FBXL2: variants seen among roughly 807,000 people sequenced by gnomAD.
FBXL2 encodes F-box and leucine rich repeat protein 2.
In FBXL2, 38 loss-of-function variants were observed where a neutral mutation model predicts 69.2. The observed-to-expected ratio is 0.55, with a 90% CI of 0.42 to 0.72. The LOEUF (loss-of-function observed/expected upper bound fraction) is 0.72, where lower values mean the gene tolerates loss of function less well. Ranked by LOEUF, FBXL2 falls within the 30% of genes least tolerant of loss-of-function variation. The probability of loss-of-function intolerance (pLI) is 0.00; values close to 1 mark genes in which losing one functional copy is unlikely to be tolerated. For missense variants in FBXL2, 354 were observed against 520.3 expected (o/e 0.68, Z 3.11); for synonymous variants, 192 against 201.3 (o/e 0.95, Z 0.39).
At chr3:33,287,448 A>G (rs545090352) in intron 1 of FBXL2, among the ~76,000 whole-genome samples, 157 of 152,250 alleles carry the variant, frequency 1.0e-3, no homozygotes, top group African/African-American at 3.6e-3. Flanking sequence ...AATGTCCCTA[A>G]GAAATTGGCA....
At chr3:33,404,485 T>TAA (rs147464429), downstream of FBXL2, among the ~76,000 whole-genome samples, 2,035 of 144,410 alleles carry the variant, frequency 0.014, 18 homozygotes, top group South Asian at 0.027. Flanking sequence ...ATAATAGGAT[T>TAA]AAAAAAAAAA....
intron 1 of FBXL2, among the ~76,000 whole-genome samples, chr3:33,285,881 G>C (rs1324708167): frequency 6.6e-6 from 1 of 152,098 alleles, no homozygotes; most frequent in African/African-American, 2.4e-5. Flanking sequence ...ATGGTTTTCA[G>C]CTCCATCAGG....
chr3:33,390,325 A>G, downstream of FBXL2: 3 of 1,613,840 alleles, frequency 1.9e-6, no homozygotes, highest in Non-Finnish European at 2.5e-6. Context: ...CAGTCTATAT[A>G]AGACATCACT....
chr3:33,374,888 C>T (rs1180476979), intron 9 of FBXL2, among the ~76,000 whole-genome samples: 1 of 151,920 alleles, frequency 6.6e-6, no homozygotes. Flanking sequence ...CTGCAGAAAT[C>T]CAATCAAATA....
chr3:33,348,252 T>G (rs2040588792), intron 2 of FBXL2, among the ~76,000 whole-genome samples: 1 of 152,186 alleles, frequency 6.6e-6, no homozygotes. Context: ...GGATATCCAG[T>G]TTTCCCAACA....
At chr3:33,312,175 G>C (rs1158942095) in intron 2 of FBXL2, among the ~76,000 whole-genome samples, 3 of 151,950 alleles carry the variant, frequency 2.0e-5, no homozygotes, top group African/African-American at 7.3e-5. Flanking sequence ...ACCTGCCCCA[G>C]CCTCCTAAGT....
chr3:33,332,469 A>T (rs2039241708), intron 2 of FBXL2, among the ~76,000 whole-genome samples: 1 of 152,246 alleles, frequency 6.6e-6, no homozygotes, highest in South Asian at 2.1e-4. Flanking sequence ...CAGTACTTGT[A>T]CACAAATATG....
At chr3:33,345,888 G>A (rs781238491) in intron 2 of FBXL2, among the ~76,000 whole-genome samples, 2 of 152,176 alleles carry the variant, frequency 1.3e-5, no homozygotes, top group African/African-American at 4.8e-5. Flanking sequence ...CTTAGAGGGA[G>A]ATTTACTGCA....
At chr3:33,277,177 GT>G (rs780593890), upstream of FBXL2, 140 of 283,816 alleles carry the variant, frequency 4.9e-4, no homozygotes, top group East Asian at 1.4e-3. Flanking sequence ...CCTGTATAAC[GT>G]TTTTTTTAAA....
At chr3:33,297,337 A>G (rs993666334) in intron 1 of FBXL2, among the ~76,000 whole-genome samples, 2 of 152,154 alleles carry the variant, frequency 1.3e-5, no homozygotes, top group Admixed American at 6.6e-5. Context: ...TATATGCAAG[A>G]TCATGTCATC....
chr3:33,411,805 A>G, the FBXL2 span: 202 of 755,674 alleles, frequency 2.7e-4, 1 homozygote, highest in South Asian at 2.7e-3. Context: ...CTGTCTTTCA[A>G]TGGTCTCCAT....
rs765444992 is a variant in FBXL2 at position 33,373,936 on chromosome 3, T to G, written c.657+15T>G. 6.2e-7 allele frequency: 1 copy of G among 1,613,094 alleles called. No homozygotes were observed. The highest frequency in any genetic ancestry group is 8.5e-7 in the Non-Finnish European group (1 of 1,179,036). On this transcript the variant is annotated intron_variant, in intron 9 of 14. Transcript: ENST00000484457. ...AGTCCTGCTCAGTAAGTAGCGTGCC[T>G]TTCCTGAACACTGTTTGCTCTATCT...
chr3:33,377,263 T>G lies in FBXL2; in HGVS notation c.789-10T>G, dbSNP rs2042701486. On this transcript the variant is annotated splice_polypyrimidine_tract_variant and intron_variant, in intron 10 of 14. Coordinates refer to ENST00000484457, the MANE Select transcript of FBXL2 (RefSeq NM_012157.5). ...TACCGTTTTCTCCCCTGTACCCACT[T>G]TCTCCTCAGAATTTTGGAGGCTGCC... is the stretch of plus-strand genomic sequence containing the variant. 1 of 1,613,632 alleles carries G rather than the reference T, an allele frequency of 6.2e-7. No individual in the cohort carries two copies. Among genetic ancestry groups the G allele is most frequent in the Non-Finnish European group, 8.5e-7 (1 of 1,179,712 alleles).
At chr3:33,297,912 G>A (rs2035887226) in intron 2 of FBXL2, 187 bp downstream of exon 2, 1 of 640,886 alleles carries the variant, frequency 1.6e-6, no homozygotes, top group South Asian at 1.6e-5. Context: ...GTCTAATCCA[G>A]AATGTACTAA....
intron 2 of FBXL2, among the ~76,000 whole-genome samples, chr3:33,340,069 T>A (rs138356653): frequency 6.6e-6 from 1 of 152,340 alleles, no homozygotes; most frequent in African/African-American, 2.4e-5. Flanking sequence ...CAATATCAGT[T>A]GAAATTAATC....
Position 33,359,025 on chromosome 3 carries a change from GA to G in FBXL2, c.120+5del. 1 of 1,531,020 alleles carries G rather than the reference GA, an allele frequency of 6.5e-7. No homozygotes were observed. 94.8% of individuals were successfully genotyped at this position (1,531,020 alleles called of 1,614,324 possible). ...CCGATGTGCACAGATTTCCAAGGTA[GA>G]GTATTCACCAGATTTTTTAATCAAT... is the stretch of plus-strand genomic sequence containing the variant. On this transcript the variant is annotated splice_donor_5th_base_variant and intron_variant, in intron 3 of 14. Coordinates refer to ENST00000484457, the MANE Select transcript of FBXL2 (RefSeq NM_012157.5).
At chr3:33,368,710 C>T (rs529676157) in intron 5 of FBXL2, among the ~76,000 whole-genome samples, 2 of 151,870 alleles carry the variant, frequency 1.3e-5, no homozygotes, top group African/African-American at 2.4e-5. Flanking sequence ...CCTCAGCCTT[C>T]CGAGTAGCTG....
the FBXL2 span, chr3:33,412,631 A>G: frequency 2.3e-6 from 2 of 859,588 alleles, no homozygotes; most frequent in Admixed American, 2.2e-5. Context: ...AACTTTCCCC[A>G]CACAAGTAAT....
chr3:33,365,027 A>G (rs1268991736), intron 5 of FBXL2, among the ~76,000 whole-genome samples: 1 of 152,176 alleles, frequency 6.6e-6, no homozygotes, highest in Non-Finnish European at 1.5e-5. Context: ...AACATGTATG[A>G]AGTGCCTACC....
Sources: gnomAD v4.1 joint callset for allele counts (sites outside exome capture counted in the v4.1 genomes callset) on GRCh38, gnomAD v4.1.1 for gene constraint, MANE v1.5 for transcripts, NCBI Gene and HGNC (gene_info 2026-07-23, HGNC 2026-07-21) for gene names.